ITGA1: variants seen among roughly 807,000 people sequenced by gnomAD.
ITGA1 encodes the protein integrin alpha-1.
Under a neutral mutation model 145.9 loss-of-function variants are expected in ITGA1, and 85 were observed. The observed-to-expected ratio is 0.58, with a 90% CI of 0.49 to 0.70. The LOEUF (loss-of-function observed/expected upper bound fraction) is 0.70. ITGA1 is among the 30% of genes least tolerant of loss of function. The pLI, the probability that ITGA1 is intolerant of heterozygous loss-of-function variation, is 0.00. For synonymous variants in ITGA1, 520 were observed against 495.3 expected (o/e 1.05, Z -0.66); for missense variants, 1,351 against 1,418.7 (o/e 0.95, Z 0.77).
At chr5:52,898,087 G>A in intron 10 of ITGA1, 152 bp from the exon 11 acceptor site, 1 of 446,814 alleles carries the variant, frequency 2.2e-6, no homozygotes, top group Non-Finnish European at 3.7e-6. Context: ...GGTAGCAATA[G>A]CATCTAACTC....
chr5:52,800,055 C>T (rs1017928107), intron 1 of ITGA1: 20 of 319,138 alleles, frequency 6.3e-5, no homozygotes, highest in African/African-American at 3.2e-4. Context: ...GGACGGGAGA[C>T]GTGCGTCGGG....
chr5:52,923,472 T>G (rs556365883), intron 18 of ITGA1, among the ~76,000 whole-genome samples: 1 of 152,132 alleles, frequency 6.6e-6, no homozygotes. Context: ...TTCTCAGCTA[T>G]CTACTGTTTA....
chr5:52,870,452 A>C (rs201058295), intron 6 of ITGA1, among the ~76,000 whole-genome samples: 1 of 148,140 alleles, frequency 6.8e-6, no homozygotes, highest in African/African-American at 2.5e-5. Flanking sequence ...ATGTAGTTGT[A>C]AGATTTGTAG....
chr5:52,838,857 GA>G (rs1034191811), intron 1 of ITGA1, among the ~76,000 whole-genome samples: 2 of 152,154 alleles, frequency 1.3e-5, no homozygotes, highest in Non-Finnish European at 2.9e-5. Flanking sequence ...AGCACTTCAG[GA>G]GGCCGAGGCA....
intron 16 of ITGA1, among the ~76,000 whole-genome samples, chr5:52,919,099 A>T (rs1248601445): frequency 6.6e-6 from 1 of 152,144 alleles, no homozygotes. Context: ...CTGGAGCAGA[A>T]ATTACATGTT....
intron 1 of ITGA1, among the ~76,000 whole-genome samples, chr5:52,825,808 C>T (rs1339263364): frequency 6.6e-6 from 1 of 151,742 alleles, no homozygotes; most frequent in African/African-American, 2.4e-5. Context: ...ATCCCAGCTA[C>T]TTGGGAGGCT....
intron 9 of ITGA1, among the ~76,000 whole-genome samples, chr5:52,895,944 A>G (rs1750217312): frequency 6.6e-6 from 1 of 152,192 alleles, no homozygotes; most frequent in Non-Finnish European, 1.5e-5. Context: ...ATGTATCTTA[A>G]GATGACAAGT....
At chr5:52,916,750 G>A (rs752199437) in intron 15 of ITGA1, among the ~76,000 whole-genome samples, 7 of 152,116 alleles carry the variant, frequency 4.6e-5, no homozygotes, top group Non-Finnish European at 1.0e-4. Flanking sequence ...GCAGTGTCAG[G>A]GACAATGGAT....
At chr5:52,818,171 A>C (rs1420383362) in intron 1 of ITGA1, among the ~76,000 whole-genome samples, 5 of 152,226 alleles carry the variant, frequency 3.3e-5, no homozygotes, top group Non-Finnish European at 7.3e-5. Context: ...AGATTAACTC[A>C]GCAATTACAT....
intron 11 of ITGA1, among the ~76,000 whole-genome samples, chr5:52,900,839 CT>C: frequency 6.6e-6 from 1 of 152,264 alleles, no homozygotes; most frequent in South Asian, 2.1e-4. Context: ...ATATTTAGTA[CT>C]GTGCCTGACA....
intron 2 of ITGA1, among the ~76,000 whole-genome samples, chr5:52,851,284 A>C (rs1749427805): frequency 6.6e-6 from 1 of 152,196 alleles, no homozygotes; most frequent in African/African-American, 2.4e-5. Context: ...TAATTATATG[A>C]ATGAACCTTA....
At chr5:52,891,545 T>G (rs1326814292) in intron 8 of ITGA1, among the ~76,000 whole-genome samples, 2 of 120,042 alleles carry the variant, frequency 1.7e-5, no homozygotes, top group Non-Finnish European at 3.5e-5. Flanking sequence ...TATAAATGTA[T>G]CATGAACACT....
chr5:52,835,033 G>A (rs1004967972), intron 1 of ITGA1, among the ~76,000 whole-genome samples: 1 of 152,136 alleles, frequency 6.6e-6, no homozygotes, highest in African/African-American at 2.4e-5. Context: ...AATCAGTTCT[G>A]CACAGGGGAT....
chr5:52,898,715 A>G (rs923788458), intron 11 of ITGA1, among the ~76,000 whole-genome samples: 1 of 152,154 alleles, frequency 6.6e-6, no homozygotes, highest in African/African-American at 2.4e-5. Context: ...ACAAGAAATG[A>G]GAGTAGAAAA....
intron 1 of ITGA1, among the ~76,000 whole-genome samples, chr5:52,808,676 CT>C (rs60113844): frequency 0.013 from 874 of 69,362 alleles, 3 homozygotes; most frequent in South Asian, 0.035. Flanking sequence ...TTCTTTCTTT[CT>C]TTTTTTTTTT....
At chr5:52,943,725 C>T (rs16880541) in intron 26 of ITGA1, among the ~76,000 whole-genome samples, 22,853 of 152,084 alleles carry the variant, frequency 0.15, 1,741 homozygotes, top group South Asian at 0.16. Flanking sequence ...TGCTGGCCCA[C>T]GCTGGCCCAC....
intron 14 of ITGA1, among the ~76,000 whole-genome samples, chr5:52,911,409 T>A (rs1235721043): frequency 7.5e-6 from 1 of 134,090 alleles, no homozygotes; most frequent in African/African-American, 2.7e-5. Context: ...TAGTATATAG[T>A]GTATATACAC....
chr5:52,800,119 G>T (rs897407290), intron 1 of ITGA1: 1 of 408,130 alleles, frequency 2.5e-6, no homozygotes, highest in African/African-American at 2.1e-5. Context: ...GCTGTTGCGT[G>T]CTGCCAGCGG....
At position 52,910,149 on chromosome 5, in the gene ITGA1, A is replaced by T. The variant is rs1412812810; in HGVS notation, c.1600-13A>T. 5 of 1,597,186 alleles carry T rather than the reference A, an allele frequency of 3.1e-6. No individual in the cohort carries two copies. The highest frequency in any genetic ancestry group is 1.7e-4 in the Middle Eastern group (1 of 5,996). ...ATGGAAATACATAAATATCCTGTTT[A>T]TCTTTCTTCCAGACAAGGTTTGAAT... On this transcript the variant is annotated splice_polypyrimidine_tract_variant and intron_variant, in intron 13 of 28. Coordinates refer to ENST00000282588, the MANE Select transcript of ITGA1 (RefSeq NM_181501.2).
Sources: allele counts gnomAD v4.1 joint callset (sites outside exome capture counted in the v4.1 genomes callset), GRCh38; gene constraint gnomAD v4.1.1; transcripts MANE v1.5; gene names NCBI Gene and HGNC (gene_info 2026-07-23, HGNC 2026-07-21).